The following TASP1 variants were observed in gnomAD, a reference collection of about 807,000 sequenced individuals.
The protein encoded by TASP1 is taspase 1.
In TASP1, 16 loss-of-function variants were observed where a neutral mutation model predicts 56.6. The ratio of observed to expected loss-of-function variants is 0.28; its 90% CI spans 0.19 to 0.43. The LOEUF (loss-of-function observed/expected upper bound fraction) is 0.43, where lower values mean the gene tolerates loss of function less well. Among genes scored for constraint, TASP1 ranks in the 20% least tolerant of loss-of-function variants. The probability of loss-of-function intolerance (pLI) is 1.00; values close to 1 mark genes in which losing one functional copy is unlikely to be tolerated. For missense variants in TASP1, 393 were observed against 511.6 expected, an observed-to-expected ratio of 0.77 and a Z score of 2.24; for synonymous variants, 179 against 184.2, an observed-to-expected ratio of 0.97 and a Z score of 0.23.
the TASP1 span, among the ~76,000 whole-genome samples, chr20:13,264,654 G>A: frequency 2.6e-5 from 4 of 152,138 alleles, no homozygotes; most frequent in Non-Finnish European, 5.9e-5. Flanking sequence ...CATCCACCTT[G>A]GTCACAAACA....
chr20:13,165,052 A>T, the TASP1 span: 1 of 544,096 alleles, frequency 1.8e-6, no homozygotes, highest in Non-Finnish European at 3.3e-6. Flanking sequence ...AGACAAAAAC[A>T]TGATTCCAGA....
At chr20:13,310,893 T>C in the TASP1 span, among the ~76,000 whole-genome samples, 3 of 152,138 alleles carry the variant, frequency 2.0e-5, no homozygotes, top group Non-Finnish European at 4.4e-5. Context: ...AGGAAGATGT[T>C]TATCAAAAAA....
At chr20:13,625,081 T>C in intron 3 of TASP1, 104 bp downstream of exon 3, 3 of 800,068 alleles carry the variant, frequency 3.7e-6, no homozygotes, top group Non-Finnish European at 5.6e-6. Context: ...TAGTCCAAAC[T>C]GGAAGACTGT....
At chr20:13,567,127 G>A (rs755810344) in intron 7 of TASP1, among the ~76,000 whole-genome samples, 21 of 152,104 alleles carry the variant, frequency 1.4e-4, no homozygotes, top group Non-Finnish European at 2.9e-4. Context: ...TCTTTAGCAC[G>A]AGCATGGATG....
At chr20:13,625,158 C>A in intron 3 of TASP1, 27 bp downstream of exon 3, 1 of 1,530,988 alleles carries the variant, frequency 6.5e-7, no homozygotes, top group Non-Finnish European at 8.8e-7. Context: ...AACTGCAATG[C>A]ACAGATCATA....
the TASP1 span, among the ~76,000 whole-genome samples, chr20:13,186,056 A>C: frequency 0.024 from 3,590 of 152,246 alleles, 151 homozygotes; most frequent in African/African-American, 0.082. Context: ...AGTAGTAAGA[A>C]CTCTCAAATA....
the TASP1 span, among the ~76,000 whole-genome samples, chr20:13,193,244 T>C: frequency 2.6e-5 from 4 of 152,282 alleles, no homozygotes; most frequent in Admixed American, 2.0e-4. Flanking sequence ...CAGCTGTTAA[T>C]GTGACTATTA....
At chr20:13,263,157 C>T in the TASP1 span, among the ~76,000 whole-genome samples, 50 of 152,290 alleles carry the variant, frequency 3.3e-4, no homozygotes, top group East Asian at 8.3e-3. Context: ...CTATAAAATA[C>T]GGCCATTGAC....
At chr20:13,304,878 C>T in the TASP1 span, among the ~76,000 whole-genome samples, 1 of 152,154 alleles carries the variant, frequency 6.6e-6, no homozygotes, top group African/African-American at 2.4e-5. Flanking sequence ...CATCTCTCTT[C>T]CCCACTTCCC....
At chr20:13,543,745 T>C (rs538921468) in intron 8 of TASP1, among the ~76,000 whole-genome samples, 1 of 152,316 alleles carries the variant, frequency 6.6e-6, no homozygotes, top group Middle Eastern at 3.4e-3. Context: ...TTGCCCCTCA[T>C]GCATCTATAA....
intron 4 of TASP1, among the ~76,000 whole-genome samples, chr20:13,592,151 C>A (rs1440709713): frequency 6.6e-6 from 1 of 152,058 alleles, no homozygotes; most frequent in African/African-American, 2.4e-5. Context: ...GTAATCCCAG[C>A]ACTTTGGGAG....
At chr20:13,141,261 A>G in the TASP1 span, among the ~76,000 whole-genome samples, 14 of 152,330 alleles carry the variant, frequency 9.2e-5, no homozygotes, top group African/African-American at 3.4e-4. Flanking sequence ...TACACTATCC[A>G]TTCACATCCT....
the TASP1 span, among the ~76,000 whole-genome samples, chr20:13,358,513 C>T: frequency 6.6e-6 from 1 of 152,226 alleles, no homozygotes; most frequent in African/African-American, 2.4e-5. Context: ...TCTCCAACCT[C>T]TCTCACTGTC....
chr20:13,604,972 C>T (rs933163867), intron 4 of TASP1, among the ~76,000 whole-genome samples: 1 of 138,032 alleles, frequency 7.2e-6, no homozygotes, highest in Non-Finnish European at 1.5e-5. Flanking sequence ...ATAAAGTCTA[C>T]ATAAAGACAT....
At chr20:13,417,565 T>A (rs576805366) in intron 12 of TASP1, 44 bp from the exon 13 acceptor site, 1 of 1,604,254 alleles carries the variant, frequency 6.2e-7, no homozygotes, top group South Asian at 1.1e-5. Flanking sequence ...AGATCACAGA[T>A]GGAAAATAAA....
intron 11 of TASP1, among the ~76,000 whole-genome samples, chr20:13,460,888 T>G (rs1302391911): frequency 6.6e-6 from 1 of 152,162 alleles, no homozygotes; most frequent in African/African-American, 2.4e-5. Flanking sequence ...CAAAATCTAT[T>G]GTCAGCACCC....
chr20:13,400,441 A>ATC (rs2041694007), intron 13 of TASP1, among the ~76,000 whole-genome samples: 2 of 152,206 alleles, frequency 1.3e-5, no homozygotes, highest in African/African-American at 4.8e-5. Flanking sequence ...GAAGAAATCA[A>ATC]AGAATTATTG....
At chr20:13,439,811 C>A (rs2043153098) in intron 11 of TASP1, among the ~76,000 whole-genome samples, 1 of 151,698 alleles carries the variant, frequency 6.6e-6, no homozygotes, top group South Asian at 2.1e-4. Context: ...CCAGAATTAT[C>A]CAATATGTGA....
At chr20:13,328,335 AG>A in the TASP1 span, among the ~76,000 whole-genome samples, 1 of 152,210 alleles carries the variant, frequency 6.6e-6, no homozygotes, top group African/African-American at 2.4e-5. Flanking sequence ...GCAGAGAAAA[AG>A]GAACCCTGTT....
Sources: allele counts gnomAD v4.1 joint callset (sites outside exome capture counted in the v4.1 genomes callset), GRCh38; gene constraint gnomAD v4.1.1; transcripts MANE v1.5; gene names NCBI Gene and HGNC (gene_info 2026-07-23, HGNC 2026-07-21).